Variants in PPIL4 observed in about 807,000 individuals in gnomAD.
PPIL4 encodes the protein peptidylprolyl isomerase like 4.
PPIL4 carries 50 observed loss-of-function variants against 69.1 expected under a neutral mutation model. The observed-to-expected ratio is 0.72, with a 90% CI of 0.58 to 0.92. The LOEUF (loss-of-function observed/expected upper bound fraction) is 0.92, where lower values mean the gene tolerates loss of function less well. Ranked by LOEUF, PPIL4 falls within the 40% of genes least tolerant of loss-of-function variation. The probability of loss-of-function intolerance (pLI) is 0.00; values close to 1 mark genes in which losing one functional copy is unlikely to be tolerated. For synonymous variants in PPIL4, 193 were observed against 191.6 expected, an observed-to-expected ratio of 1.01 and a Z score of -0.06; for missense variants, 480 against 587.9, an observed-to-expected ratio of 0.82 and a Z score of 1.90.
intron 12 of PPIL4, among the ~76,000 whole-genome samples, chr6:149,509,140 T>C (rs1776806001): frequency 6.6e-6 from 1 of 152,136 alleles, no homozygotes; most frequent in Admixed American, 6.5e-5. Flanking sequence ...AGTTAGGAGA[T>C]CATTATTCAG....
chr6:149,537,930 C>A (rs913603053), intron 4 of PPIL4, among the ~76,000 whole-genome samples: 2 of 152,066 alleles, frequency 1.3e-5, no homozygotes, highest in Non-Finnish European at 2.9e-5. Context: ...CCAGGTCACC[C>A]AGGAGCTCTG....
At chr6:149,527,539 G>T (rs754331832) in intron 7 of PPIL4, among the ~76,000 whole-genome samples, 3 of 152,004 alleles carry the variant, frequency 2.0e-5, no homozygotes, top group Non-Finnish European at 4.4e-5. Context: ...TAAAGGATAA[G>T]AATTTATGTA....
chr6:149,506,504 T>C (rs755902096), intron 12 of PPIL4, among the ~76,000 whole-genome samples: 2 of 152,112 alleles, frequency 1.3e-5, no homozygotes, highest in Non-Finnish European at 1.5e-5. Context: ...TATACTTGGG[T>C]CTGAGCAATT....
intron 12 of PPIL4, among the ~76,000 whole-genome samples, chr6:149,506,815 CA>C (rs1264859736): frequency 6.6e-6 from 1 of 152,148 alleles, no homozygotes; most frequent in Non-Finnish European, 1.5e-5. Flanking sequence ...AGGGTGGTCT[CA>C]AACTCCTGGG....
In PPIL4 at chr6:149,533,465, A is replaced by T. The variant is rs1199843733; in HGVS notation, c.671T>A (p.Leu224Ter). The T allele has an allele frequency of 5.2e-6, 8 of 1,545,618 alleles. No homozygotes were observed. The highest frequency in any genetic ancestry group is 7.2e-6 in the Non-Finnish European group (8 of 1,118,226). Residue 224 changes from leucine to a stop codon, truncating the protein, a stop_gained, in exon 7 of 13, where the codon TTG (leucine) becomes TAG (stop). Transcript: ENST00000253329. LOFTEE classifies it high-confidence loss of function. ...EKEAKTQAIL[L>*]EMVGDLPDAD... ...CAAAGATAATTATCTTACCATCTCC[A>T]AAAGTATAGCCTGAGTTTTAGCCTC...
At chr6:149,523,815 T>A (rs750871947) in intron 9 of PPIL4, among the ~76,000 whole-genome samples, 10 of 152,176 alleles carry the variant, frequency 6.6e-5, no homozygotes, top group Non-Finnish European at 1.0e-4. Context: ...AATAATAGAT[T>A]CTATAGTGTC....
Position 149,505,320 on chromosome 6 carries a change from T to C in PPIL4, c.*133A>G. ...TTTCCGTGCTCTATATAATCAGTAT[T>C]AATCTAAAGACCATAATCCTAGTAT... On this transcript the variant is annotated 3_prime_UTR_variant, in exon 13 of 13. Coordinates refer to ENST00000253329, the MANE Select transcript of PPIL4 (RefSeq NM_139126.4). 1.3e-6 allele frequency: 1 copy of C among 773,018 alleles called. No individual in the cohort carries two copies. 47.9% of individuals were successfully genotyped at this position (773,018 alleles called of 1,614,324 possible).
At chr6:149,521,027 A>AG in intron 10 of PPIL4, 33 bp downstream of exon 10, 1 of 1,200,702 alleles carries the variant, frequency 8.3e-7, no homozygotes, top group East Asian at 2.3e-5. Flanking sequence ...AAAAAAAAAA[A>AG]GCAGAACAAA....
At chr6:149,525,053 T>A (rs900488147) in intron 9 of PPIL4, 90 bp downstream of exon 9, 1 of 651,608 alleles carries the variant, frequency 1.5e-6, no homozygotes, top group African/African-American at 1.9e-5. Flanking sequence ...AGGGCAACTC[T>A]AGAAACTAGA....
Position 149,533,548 on chromosome 6 carries a change from T to C in PPIL4, c.588A>G (p.Glu196=), listed in dbSNP as rs775136829. 2.7e-5 allele frequency: 43 copies of C among 1,610,814 alleles called. No homozygotes were observed. The highest frequency in any genetic ancestry group is 3.5e-5 in the Non-Finnish European group (41 of 1,177,532). Residue 196 remains glutamate (E), a synonymous_variant, in exon 7 of 13, where the codon GAA becomes GAG. Coordinates refer to ENST00000253329, the MANE Select transcript of PPIL4 (RefSeq NM_139126.4). ...CTGATCTTCCTTTGAAATCATCAAT[T>C]TCTTCATCTGCTCCTATTCGACCAC... The part of the protein sequence containing the change: ...LDSGRIGADE[E]IDDFKGRSAE...
intron 12 of PPIL4, among the ~76,000 whole-genome samples, chr6:149,510,971 G>A (rs1233026556): frequency 2.6e-5 from 4 of 152,132 alleles, no homozygotes; most frequent in Non-Finnish European, 4.4e-5. Context: ...CACAGAGGAT[G>A]AAACTGTGGC....
chr6:149,515,027 G>A (rs941245005), intron 11 of PPIL4, among the ~76,000 whole-genome samples: 2 of 151,612 alleles, frequency 1.3e-5, no homozygotes, highest in Non-Finnish European at 2.9e-5. Context: ...TAGTAGAGAC[G>A]GAGTTTCTGC....
chr6:149,539,510 A>G (rs1173759289), intron 4 of PPIL4, among the ~76,000 whole-genome samples: 1 of 152,172 alleles, frequency 6.6e-6, no homozygotes, highest in Non-Finnish European at 1.5e-5. Context: ...CCCAAGAAGC[A>G]GGAACTACAG....
rs1438083263 is a variant in PPIL4 at position 149,535,591 on chromosome 6, C to A, written c.464+5G>T. The A allele has an allele frequency of 1.2e-6, 2 of 1,606,846 alleles. No individual in the cohort carries two copies. On this transcript the variant is annotated splice_donor_5th_base_variant and intron_variant, in intron 5 of 12. Coordinates refer to ENST00000253329, the MANE Select transcript of PPIL4 (RefSeq NM_139126.4). ...GTACATTCAGATAGCAAATTGTAAC[C>A]ATACCTGATATCCTGATATGGTACA... is the stretch of plus-strand genomic sequence containing the variant.
chr6:149,519,505 T>C (rs1028752872), intron 10 of PPIL4, among the ~76,000 whole-genome samples: 2 of 152,330 alleles, frequency 1.3e-5, no homozygotes, highest in Admixed American at 6.5e-5. Context: ...TGCTTCAATT[T>C]AGGTTTCACA....
chr6:149,538,300 A>C (rs769073078), intron 4 of PPIL4, among the ~76,000 whole-genome samples: 4 of 152,076 alleles, frequency 2.6e-5, no homozygotes, highest in Non-Finnish European at 5.9e-5. Flanking sequence ...GCCTGCTAAC[A>C]TAACAGTCAT....
intron 7 of PPIL4, among the ~76,000 whole-genome samples, chr6:149,531,154 G>A (rs1217227360): frequency 2.0e-5 from 3 of 151,958 alleles, no homozygotes; most frequent in Non-Finnish European, 2.9e-5. Flanking sequence ...GCCTGAGGTC[G>A]GGAGTTGGAG....
intron 1 of PPIL4, among the ~76,000 whole-genome samples, chr6:149,544,426 A>C (rs1409311100): frequency 1.3e-5 from 2 of 152,228 alleles, no homozygotes; most frequent in East Asian, 3.8e-4. Flanking sequence ...GTGCCCTAAA[A>C]GTAGCAGACA....
intron 8 of PPIL4, among the ~76,000 whole-genome samples, chr6:149,526,355 C>A (rs972157454): frequency 2.6e-5 from 4 of 152,090 alleles, no homozygotes; most frequent in African/African-American, 9.7e-5. Context: ...TTAAAGAAGG[C>A]TGTTGAGAGT....
Sources: allele counts gnomAD v4.1 joint callset (sites outside exome capture counted in the v4.1 genomes callset), GRCh38; gene constraint gnomAD v4.1.1; transcripts MANE v1.5; gene names NCBI Gene and HGNC (gene_info 2026-07-23, HGNC 2026-07-21).